The following HSPD1 variants were observed in gnomAD, a reference collection of about 807,000 sequenced individuals.
The protein encoded by HSPD1 is 60 kDa heat shock protein, mitochondrial.
In HSPD1, 3 loss-of-function variants were observed where a neutral mutation model predicts 53.0. The ratio of observed to expected loss-of-function variants is 0.06; its 90% CI spans 0.03 to 0.15. The LOEUF is 0.15. Ranked by LOEUF, HSPD1 falls within the 10% of genes least tolerant of loss-of-function variation. HSPD1 has a pLI of 1.00. For missense variants in HSPD1, 431 were observed against 694.1 expected (o/e 0.62, Z 4.26); for synonymous variants, 200 against 228.0 (o/e 0.88, Z 1.10).
rs1201421269 is a variant in HSPD1 at position 197,492,003 on chromosome 2, A to G, written c.869+1321T>C. 3.3e-5 allele frequency among the ~76,000 whole-genome samples: 5 copies of G among 152,124 alleles called. No homozygotes were observed. The East Asian group carries it at 9.6e-4, about 29-fold the overall frequency. On this transcript the variant is annotated intron_variant, in intron 7 of 11. Coordinates refer to ENST00000388968, the MANE Select transcript of HSPD1 (RefSeq NM_002156.5). ...AGACCTCGTCTCTACAAAAAAATTAAAAGATCAGCCAAGTGTGCTTGTGCA... is the reference window on the plus strand; with the variant it reads ...AGACCTCGTCTCTACAAAAAAATTAGAAGATCAGCCAAGTGTGCTTGTGCA...
chr2:197,498,295 A>G (rs1414889529), intron 2 of HSPD1, among the ~76,000 whole-genome samples: 1 of 152,218 alleles, frequency 6.6e-6, no homozygotes, highest in African/African-American at 2.4e-5. Context: ...TAGCATCTAC[A>G]AGCACATACC....
intron 9 of HSPD1, 118 bp downstream of exon 9, chr2:197,488,884 A>G: frequency 8.7e-7 from 1 of 1,150,890 alleles, no homozygotes; most frequent in Non-Finnish European, 1.3e-6. Context: ...AAATTCCACT[A>G]TGAAGTTAAT....
chr2:197,497,499 A>C (rs1371064713), intron 2 of HSPD1, 107 bp from the exon 3 acceptor site: 10 of 1,154,936 alleles, frequency 8.7e-6, no homozygotes, highest in Non-Finnish European at 1.3e-5. Context: ...TCTCAACGTA[A>C]GTTGTGTCAT....
chr2:197,487,319 G>T, intron 11 of HSPD1, 121 bp from the exon 12 acceptor site: 1 of 841,070 alleles, frequency 1.2e-6, no homozygotes, highest in Non-Finnish European at 2.0e-6. Context: ...GGCTGAGGCA[G>T]GTAGATGACT....
In HSPD1 at chr2:197,489,266, G is replaced by C. The variant is rs950458504; in HGVS notation, c.970-19C>G. On this transcript the variant is annotated intron_variant, in intron 8 of 11. Coordinates refer to ENST00000388968, the MANE Select transcript of HSPD1 (RefSeq NM_002156.5). ...CAAACACCTACAAAAAGAGTTAAAC[G>C]TAAACCTGTTGTAGGTTACAGTTTC... 1.9e-6 allele frequency: 3 copies of C among 1,613,724 alleles called. No individual in the cohort carries two copies. The highest frequency in any genetic ancestry group is 2.5e-6 in the Non-Finnish European group (3 of 1,179,668).
chr2:197,494,801 C>T, intron 4 of HSPD1, 49 bp from the exon 5 acceptor site: 1 of 1,205,376 alleles, frequency 8.3e-7, no homozygotes, highest in East Asian at 2.3e-5. Flanking sequence ...GCCTAGTGTC[C>T]TCAGTCAGTT....
chr2:197,488,108 G>A (rs2086048913), intron 10 of HSPD1, 72 bp from the exon 11 acceptor site: 6 of 1,190,614 alleles, frequency 5.0e-6, no homozygotes, highest in African/African-American at 1.5e-5. Context: ...AAGTTGTGAG[G>A]ATATTGATGT....
intron 6 of HSPD1, among the ~76,000 whole-genome samples, 169 bp downstream of exon 6, chr2:197,493,988 G>A (rs2086125149): frequency 6.6e-6 from 1 of 152,188 alleles, no homozygotes; most frequent in African/African-American, 2.4e-5. Context: ...TGTAATCCCA[G>A]CTACTTGGGA....
At chr2:197,493,522 T>C (rs769624387) in intron 6 of HSPD1, 30 bp from the exon 7 acceptor site, 14 of 1,531,046 alleles carry the variant, frequency 9.1e-6, no homozygotes, top group Non-Finnish European at 1.2e-5. Flanking sequence ...TTCAAAAATA[T>C]ACAAAAAATG....
At chr2:197,496,116 C>T (rs529951461) in intron 3 of HSPD1, among the ~76,000 whole-genome samples, 77 of 152,326 alleles carry the variant, frequency 5.1e-4, no homozygotes, top group Non-Finnish European at 1.0e-3. Context: ...TATGCCTCTG[C>T]AGGTGTCAAT....
At chr2:197,494,479 A>G (rs1186192404) in intron 5 of HSPD1, 178 bp downstream of exon 5, 3 of 632,676 alleles carry the variant, frequency 4.7e-6, no homozygotes, top group Non-Finnish European at 5.7e-6. Flanking sequence ...TAATTCACAT[A>G]AAACACAGTA....
intron 5 of HSPD1, 58 bp from the exon 6 acceptor site, chr2:197,494,308 A>T (rs2086130635): frequency 6.8e-6 from 6 of 877,396 alleles, no homozygotes; most frequent in Non-Finnish European, 1.2e-5. Context: ...ACATGGAATT[A>T]CAGGCCAGAT....
chr2:197,497,935 A>T (rs1335057862), intron 2 of HSPD1, among the ~76,000 whole-genome samples: 1 of 152,220 alleles, frequency 6.6e-6, no homozygotes, highest in Non-Finnish European at 1.5e-5. Context: ...TTGTTGGATC[A>T]CTTGATATCT....
chr2:197,492,688 C>T (rs1364176620), intron 7 of HSPD1, among the ~76,000 whole-genome samples: 1 of 149,358 alleles, frequency 6.7e-6, no homozygotes, highest in East Asian at 2.3e-4. Context: ...GTGACAGAGA[C>T]TCTGTCTCCA....
intron 6 of HSPD1, among the ~76,000 whole-genome samples, chr2:197,493,698 T>C (rs2086121566): frequency 6.6e-6 from 1 of 152,186 alleles, no homozygotes; most frequent in Non-Finnish European, 1.5e-5. Context: ...TTGACACATA[T>C]TAGAAAGTAT....
At position 197,489,148 on chromosome 2, in the gene HSPD1, G is replaced by A. The variant is rs760990707; in HGVS notation, c.1069C>T (p.Leu357Phe). The A allele has an allele frequency of 6.2e-7, 1 of 1,614,048 alleles. No individual in the cohort carries two copies. Among genetic ancestry groups the A allele is most frequent in the Non-Finnish European group, 8.5e-7 (1 of 1,179,976 alleles). The change falls in exon 9 of 12, where the codon CTC (leucine) becomes TTC (phenylalanine). Residue 357 changes from leucine to phenylalanine, a missense_variant. Coordinates refer to ENST00000388968, the MANE Select transcript of HSPD1 (RefSeq NM_002156.5). ...GCCTTGTCACCTTTTCCTTTTAAGA[G>A]CATGGCATCGTCTTTGGTCACAATG... is the stretch of plus-strand genomic sequence containing the variant. ...EVIVTKDDAM[L>F]LKGKGDKAQI...
intron 7 of HSPD1, among the ~76,000 whole-genome samples, chr2:197,491,719 TTAAAC>T (rs1308552544): frequency 6.6e-6 from 1 of 152,220 alleles, no homozygotes; most frequent in African/African-American, 2.4e-5. Context: ...GTCTTAAAGT[TTAAAC>T]TAATAGTAAA....
At chr2:197,493,037 G>A (rs1336799434) in intron 7 of HSPD1, among the ~76,000 whole-genome samples, 1 of 151,732 alleles carries the variant, frequency 6.6e-6, no homozygotes, top group Non-Finnish European at 1.5e-5. Context: ...TCAGTCATGT[G>A]CCTTCAAAAC....
At position 197,494,745 on chromosome 2, in the gene HSPD1, G is replaced by T; in HGVS notation, c.518C>A (p.Thr173Lys). The T allele has an allele frequency of 1.2e-6, 2 of 1,606,610 alleles. No homozygotes were observed. The highest frequency in any genetic ancestry group is 1.7e-5 in the Admixed American group (1 of 60,004). The change falls in exon 5 of 12, where the codon ACG becomes AAG. Residue 173 changes from threonine to lysine, a missense_variant. Thr to Lys is a moderately conservative substitution (Grantham distance 78, BLOSUM62 -1). Transcript: ENST00000388968. The part of the protein sequence containing the change: ...TTPEEIAQVA[T>K]ISANGDKEIG... ...TTCTTTGTCTCCGTTTGCAGAAATC[G>T]TAGCAACCTGAAATAATCCAGTTAC...
Sources: allele counts gnomAD v4.1 joint callset (sites outside exome capture counted in the v4.1 genomes callset), GRCh38; gene constraint gnomAD v4.1.1; transcripts MANE v1.5; gene names NCBI Gene and HGNC (gene_info 2026-07-23, HGNC 2026-07-21).